Variants in THSD7B observed in about 807,000 individuals in gnomAD.
THSD7B encodes thrombospondin type 1 domain containing 7B, also known as thrombospondin type-1 domain-containing protein 7B.
THSD7B carries 138 observed loss-of-function variants against 213.6 expected under a neutral mutation model. That is an observed-to-expected ratio of 0.65 (90% CI 0.56 to 0.74). The LOEUF (loss-of-function observed/expected upper bound fraction) is 0.74. Among genes scored for constraint, THSD7B ranks in the 30% least tolerant of loss-of-function variants. The pLI, the probability that THSD7B is intolerant of heterozygous loss-of-function variation, is 0.00. For missense variants in THSD7B, 1,931 were observed against 1,991.5 expected (o/e 0.97, Z 0.58); for synonymous variants, 742 against 687.0 (o/e 1.08, Z -1.25).
At chr2:137,359,141 A>C (rs1685199124) in intron 12 of THSD7B, among the ~76,000 whole-genome samples, 2 of 152,170 alleles carry the variant, frequency 1.3e-5, no homozygotes, top group African/African-American at 2.4e-5. Flanking sequence ...AGTCCAAGGA[A>C]GGCTAATTGG....
chr2:137,418,216 T>C (rs563370062), intron 14 of THSD7B, among the ~76,000 whole-genome samples: 8 of 152,330 alleles, frequency 5.3e-5, no homozygotes, highest in East Asian at 1.9e-4. Flanking sequence ...GGCTACTTTA[T>C]GTTTATTGTA....
At chr2:137,635,210 G>A (rs1682811439) in intron 20 of THSD7B, among the ~76,000 whole-genome samples, 1 of 152,150 alleles carries the variant, frequency 6.6e-6, no homozygotes, top group Non-Finnish European at 1.5e-5. Context: ...TGTTTTGTAA[G>A]CTGATGAGTG....
chr2:137,149,527 A>C (rs1679772294), intron 5 of THSD7B, among the ~76,000 whole-genome samples: 1 of 152,184 alleles, frequency 6.6e-6, no homozygotes, highest in Non-Finnish European at 1.5e-5. Flanking sequence ...GCAGACACTC[A>C]ATGCCACACT....
intron 12 of THSD7B, among the ~76,000 whole-genome samples, chr2:137,403,469 T>C (rs1451657679): frequency 6.6e-6 from 1 of 150,610 alleles, no homozygotes; most frequent in East Asian, 1.9e-4. Flanking sequence ...AACTGTGGTC[T>C]TTTTGTTCCT....
chr2:137,331,926 C>T (rs920951060), intron 12 of THSD7B, among the ~76,000 whole-genome samples: 1 of 152,166 alleles, frequency 6.6e-6, no homozygotes, highest in African/African-American at 2.4e-5. Flanking sequence ...AGCCCACGCC[C>T]ACCCGGAATT....
At chr2:137,284,300 A>G (rs779395197) in intron 12 of THSD7B, among the ~76,000 whole-genome samples, 126 of 151,734 alleles carry the variant, frequency 8.3e-4, no homozygotes, top group Admixed American at 4.6e-3. Flanking sequence ...TTTCTTCTCT[A>G]TTAGTCCTGC....
intron 2 of THSD7B, among the ~76,000 whole-genome samples, chr2:136,907,168 C>G (rs1447649531): frequency 6.6e-6 from 1 of 151,958 alleles, no homozygotes; most frequent in African/African-American, 2.4e-5. Context: ...TGGCCTCGAA[C>G]TCCTGACCTC....
At chr2:136,991,642 A>G (rs947873144) in intron 2 of THSD7B, among the ~76,000 whole-genome samples, 1 of 152,126 alleles carries the variant, frequency 6.6e-6, no homozygotes, top group Non-Finnish European at 1.5e-5. Context: ...AGTGTAGTGC[A>G]TCAGTTTGTT....
intron 20 of THSD7B, among the ~76,000 whole-genome samples, chr2:137,637,847 A>T (rs567583184): frequency 6.6e-6 from 1 of 152,216 alleles, no homozygotes; most frequent in Non-Finnish European, 1.5e-5. Context: ...TAAAGGTGAC[A>T]CCACATTGTC....
intron 10 of THSD7B, among the ~76,000 whole-genome samples, chr2:137,246,747 C>T (rs915472691): frequency 1.3e-4 from 20 of 151,906 alleles, no homozygotes; most frequent in Admixed American, 5.9e-4. Flanking sequence ...CAAATTATCA[C>T]GAACCATTTC....
rs575232454 is a variant in THSD7B at position 137,523,805 on chromosome 2, T to C, written c.3139-39416T>C. ...CTGGGGCACACTCTTTTTTAAGCTCTGGGATGGATCTCAGACACCATCTAT... is the reference window on the plus strand; with the variant it reads ...CTGGGGCACACTCTTTTTTAAGCTCCGGGATGGATCTCAGACACCATCTAT... On this transcript the variant is annotated intron_variant, in intron 15 of 27. Coordinates refer to ENST00000409968, the MANE Select transcript of THSD7B (RefSeq NM_001316349.2). Among the ~76,000 whole-genome samples, 5 of 152,276 alleles carry C rather than the reference T, an allele frequency of 3.3e-5. No individual in the cohort carries two copies. The South Asian group carries it at 1.0e-3, about 32-fold the overall frequency.
At chr2:137,436,661 C>A (rs771392341) in intron 14 of THSD7B, among the ~76,000 whole-genome samples, 1 of 152,152 alleles carries the variant, frequency 6.6e-6, no homozygotes, top group Non-Finnish European at 1.5e-5. Flanking sequence ...TTACAACAGC[C>A]TCTTGTGCCA....
chr2:136,786,265 G>T (rs930797787), intron 1 of THSD7B, among the ~76,000 whole-genome samples: 10 of 152,070 alleles, frequency 6.6e-5, no homozygotes, highest in African/African-American at 2.4e-4. Context: ...ATGTATATAT[G>T]AATTTATAAA....
intron 5 of THSD7B, among the ~76,000 whole-genome samples, chr2:137,151,588 G>T (rs370478850): frequency 1.3e-5 from 2 of 151,596 alleles, no homozygotes; most frequent in Non-Finnish European, 2.9e-5. Flanking sequence ...TGAAGGACCT[G>T]CCTGAGGCTG....
chr2:136,830,715 G>A (rs901168309), intron 1 of THSD7B, among the ~76,000 whole-genome samples: 3 of 151,956 alleles, frequency 2.0e-5, no homozygotes, highest in African/African-American at 4.8e-5. Context: ...TTTCAAATGG[G>A]TATCAGCCTA....
At chr2:137,285,967 G>A (rs560828086) in intron 12 of THSD7B, among the ~76,000 whole-genome samples, 16 of 151,796 alleles carry the variant, frequency 1.1e-4, no homozygotes, top group African/African-American at 3.9e-4. Context: ...AGCCGGGCAC[G>A]GTGGTGGGTG....
intron 15 of THSD7B, among the ~76,000 whole-genome samples, chr2:137,520,082 C>A (rs987283336): frequency 6.6e-6 from 1 of 152,074 alleles, no homozygotes; most frequent in Admixed American, 6.5e-5. Flanking sequence ...TTGTCCAATG[C>A]CCTTAATAAT....
chr2:137,256,230 A>T (rs1682306471), intron 10 of THSD7B, among the ~76,000 whole-genome samples: 1 of 152,214 alleles, frequency 6.6e-6, no homozygotes, highest in Non-Finnish European at 1.5e-5. Flanking sequence ...CTTACTGTAT[A>T]CCAAGTTTTA....
At chr2:137,299,777 C>A (rs1415777096) in intron 12 of THSD7B, among the ~76,000 whole-genome samples, 11 of 152,026 alleles carry the variant, frequency 7.2e-5, no homozygotes, top group Admixed American at 7.2e-4. Context: ...TGAATAGTTG[C>A]TATTGTACCA....
Sources: allele counts gnomAD v4.1 joint callset (sites outside exome capture counted in the v4.1 genomes callset), GRCh38; gene constraint gnomAD v4.1.1; transcripts MANE v1.5; gene names NCBI Gene and HGNC (gene_info 2026-07-23, HGNC 2026-07-21).